Variants in GUCY1A2 observed in about 807,000 individuals in gnomAD.
GUCY1A2 encodes guanylate cyclase 1 soluble subunit alpha 2.
Under a neutral mutation model 63.5 loss-of-function variants are expected in GUCY1A2, and 27 were observed. The ratio of observed to expected loss-of-function variants is 0.43; its 90% CI spans 0.31 to 0.59. GUCY1A2 has a LOEUF of 0.59. Among genes scored for constraint, GUCY1A2 ranks in the 20% least tolerant of loss-of-function variants. The pLI, the probability that GUCY1A2 is intolerant of heterozygous loss-of-function variation, is 0.11. For synonymous variants in GUCY1A2, 364 were observed against 343.5 expected, an observed-to-expected ratio of 1.06 and a Z score of -0.66; for missense variants, 768 against 913.3, an observed-to-expected ratio of 0.84 and a Z score of 2.05.
intron 4 of GUCY1A2, among the ~76,000 whole-genome samples, chr11:106,828,621 C>T (rs1447971628): frequency 1.3e-5 from 2 of 152,146 alleles, no homozygotes; most frequent in African/African-American, 4.8e-5. Flanking sequence ...CCAATCCATC[C>T]ACTCAATGGT....
chr11:106,985,655 T>C (rs746719378), intron 2 of GUCY1A2, among the ~76,000 whole-genome samples: 35 of 152,340 alleles, frequency 2.3e-4, no homozygotes, highest in Non-Finnish European at 4.7e-4. Context: ...CTAAGTAAAC[T>C]AATTCCTCTC....
chr11:106,921,596 G>A (rs1012199696), intron 4 of GUCY1A2, among the ~76,000 whole-genome samples: 1 of 151,820 alleles, frequency 6.6e-6, no homozygotes, highest in Non-Finnish European at 1.5e-5. Context: ...TCCACTCATC[G>A]ATGGCCCCAC....
intron 5 of GUCY1A2, among the ~76,000 whole-genome samples, chr11:106,788,423 T>C (rs1193079608): frequency 2.0e-5 from 3 of 152,160 alleles, no homozygotes; most frequent in African/African-American, 4.8e-5. Flanking sequence ...TTCACTTTCA[T>C]TGCCTGTGCT....
chr11:106,920,879 G>A (rs1179846978), intron 4 of GUCY1A2, among the ~76,000 whole-genome samples: 1 of 151,972 alleles, frequency 6.6e-6, no homozygotes. Context: ...TCAAATAATG[G>A]TAATGCAGTA....
At chr11:106,765,864 G>A (rs2135394889) in intron 6 of GUCY1A2, among the ~76,000 whole-genome samples, 1 of 152,180 alleles carries the variant, frequency 6.6e-6, no homozygotes, top group African/African-American at 2.4e-5. Flanking sequence ...TGATTGATTG[G>A]TTTAACCTCT....
intron 6 of GUCY1A2, among the ~76,000 whole-genome samples, chr11:106,718,028 C>T (rs1440649712): frequency 6.6e-6 from 1 of 152,110 alleles, no homozygotes; most frequent in East Asian, 1.9e-4. Context: ...ATTTCTGTGG[C>T]TATGTGGCAT....
Position 106,676,380 on chromosome 11 carries a change from CTT to C in GUCY1A2, c.*11167_*11168del, listed in dbSNP as rs35106966. ...GTTTGATCTCTTGATCCAAGCTGTACTTTTTTTTTTTTTGTATTTAATAAAAT... is the reference window on the plus strand; with the variant it reads ...GTTTGATCTCTTGATCCAAGCTGTACTTTTTTTTTTTGTATTTAATAAAAT... On this transcript the variant is annotated 3_prime_UTR_variant, in exon 8 of 8. Transcript: ENST00000526355. 773 of 170,580 alleles carry C rather than the reference CTT, an allele frequency of 4.5e-3. No individual in the cohort carries two copies. Among genetic ancestry groups the C allele is most frequent in the Middle Eastern group, 0.014 (6 of 436 alleles). The allele number at this position is 170,580 out of a possible 1,614,324, so 10.6% of individuals were successfully genotyped here. A position where few individuals can be genotyped will look rare whatever the true frequency, so the allele number is the denominator to read the frequency against.
rs1448300366 is a variant in GUCY1A2 at position 106,740,677 on chromosome 11, T to TGTAC, written c.1837-32012_1837-32011insGTAC. Among the ~76,000 whole-genome samples the TGTAC allele has an allele frequency of 6.9e-4, 88 of 126,926 alleles. 2 individuals are homozygous for TGTAC. In the Admixed American group the frequency reaches 7.4e-3, roughly 11 times the overall value. 83.3% of individuals were successfully genotyped at this position (126,926 alleles called of 152,430 possible). ...ATGTATGTATGTATGTATGTATGTA[T>TGTAC]GTATGTATGTATTTAGAGACAGAGT... On this transcript the variant is annotated intron_variant, in intron 6 of 7. Transcript: ENST00000526355.
intron 3 of GUCY1A2, 66 bp from the exon 4 acceptor site, chr11:106,940,244 A>C (rs968679616): frequency 1.6e-5 from 12 of 759,956 alleles, no homozygotes; most frequent in Non-Finnish European, 2.4e-5. Context: ...ATAGCTTTTT[A>C]AGTGCTTATC....
intron 6 of GUCY1A2, among the ~76,000 whole-genome samples, chr11:106,730,815 G>T (rs1355042480): frequency 2.6e-5 from 4 of 152,184 alleles, no homozygotes; most frequent in African/African-American, 9.6e-5. Context: ...CATTCTGACT[G>T]GTGTTAAATG....
chr11:106,979,569 T>C (rs371470961), intron 2 of GUCY1A2, among the ~76,000 whole-genome samples: 3 of 152,228 alleles, frequency 2.0e-5, no homozygotes, highest in South Asian at 4.1e-4. Flanking sequence ...CTTGAGCAAG[T>C]AACCTAATCT....
At chr11:106,816,934 A>C (rs1269028184) in intron 4 of GUCY1A2, among the ~76,000 whole-genome samples, 3 of 152,084 alleles carry the variant, frequency 2.0e-5, no homozygotes, top group Admixed American at 2.0e-4. Context: ...TATAACCATT[A>C]AAAACATGAA....
intron 4 of GUCY1A2, among the ~76,000 whole-genome samples, chr11:106,841,180 C>G (rs1047145570): frequency 6.6e-6 from 1 of 151,708 alleles, no homozygotes; most frequent in Non-Finnish European, 1.5e-5. Flanking sequence ...ACTAGTACGC[C>G]CCTGCAAACA....
chr11:106,815,263 A>T (rs1440050209), intron 4 of GUCY1A2, among the ~76,000 whole-genome samples: 1 of 152,052 alleles, frequency 6.6e-6, no homozygotes, highest in African/African-American at 2.4e-5. Context: ...TAGGCTGAAA[A>T]AAAGTTTTAG....
chr11:106,674,745 T>G lies in GUCY1A2; in HGVS notation c.*12804A>C, dbSNP rs991472077. 9.7e-6 allele frequency: 2 copies of G among 205,334 alleles called. No individual in the cohort carries two copies. The highest frequency in any genetic ancestry group is 6.0e-5 in the Admixed American group (1 of 16,774). The allele number at this position is 205,334 out of a possible 1,614,324, so 12.7% of individuals were successfully genotyped here. On this transcript the variant is annotated 3_prime_UTR_variant, in exon 8 of 8. Coordinates refer to ENST00000526355, the MANE Select transcript of GUCY1A2 (RefSeq NM_000855.3). ...AAAGGAGCAGATATACAATATGATT[T>G]ACATTGCAAACCAAACCAAAAATTT...
At chr11:106,932,314 T>G (rs1428094970) in intron 4 of GUCY1A2, among the ~76,000 whole-genome samples, 1 of 152,162 alleles carries the variant, frequency 6.6e-6, no homozygotes, top group Admixed American at 6.5e-5. Flanking sequence ...CATGTAATCA[T>G]GTACAGTGTC....
chr11:106,799,928 A>G (rs1864840041), intron 5 of GUCY1A2, among the ~76,000 whole-genome samples: 1 of 152,222 alleles, frequency 6.6e-6, no homozygotes, highest in Non-Finnish European at 1.5e-5. Flanking sequence ...GCACAGCAAA[A>G]GAAACCACCA....
chr11:106,889,194 T>G (rs1859942107), intron 4 of GUCY1A2, among the ~76,000 whole-genome samples: 2 of 152,306 alleles, frequency 1.3e-5, no homozygotes, highest in South Asian at 2.1e-4. Context: ...TAACTCCTAC[T>G]TTTCAGAAGA....
At chr11:106,857,683 A>G (rs763957864) in intron 4 of GUCY1A2, among the ~76,000 whole-genome samples, 13 of 152,316 alleles carry the variant, frequency 8.5e-5, no homozygotes, top group Non-Finnish European at 1.0e-4. Context: ...GTGAATTTAA[A>G]CCACTTGAAA....
Sources: gnomAD v4.1 joint callset for allele counts (sites outside exome capture counted in the v4.1 genomes callset) on GRCh38, gnomAD v4.1.1 for gene constraint, MANE v1.5 for transcripts, NCBI Gene and HGNC (gene_info 2026-07-23, HGNC 2026-07-21) for gene names.